Variants in PCSK2 observed in about 807,000 individuals in gnomAD.
The protein encoded by PCSK2 is proprotein convertase subtilisin/kexin type 2.
In PCSK2, 14 loss-of-function variants were observed where a neutral mutation model predicts 69.7. The ratio of observed to expected loss-of-function variants is 0.20; its 90% CI spans 0.13 to 0.31. The LOEUF is 0.31. Ranked by LOEUF, PCSK2 falls within the 10% of genes least tolerant of loss-of-function variation. The pLI, the probability that PCSK2 is intolerant of heterozygous loss-of-function variation, is 1.00. For missense variants in PCSK2, 544 were observed against 842.5 expected, an observed-to-expected ratio of 0.65 and a Z score of 4.39; for synonymous variants, 307 against 320.7, an observed-to-expected ratio of 0.96 and a Z score of 0.46.
intron 5 of PCSK2, among the ~76,000 whole-genome samples, chr20:17,401,801 G>A (rs535630905): frequency 9.2e-5 from 14 of 152,254 alleles, no homozygotes; most frequent in South Asian, 8.3e-4. Flanking sequence ...CTTCCCATTC[G>A]TAATTGAAGG....
At chr20:17,442,485 G>C (rs2032618036) in intron 8 of PCSK2, among the ~76,000 whole-genome samples, 1 of 152,146 alleles carries the variant, frequency 6.6e-6, no homozygotes, top group Non-Finnish European at 1.5e-5. Context: ...CCTGCTCACT[G>C]TTCAAGGTCA....
rs113783484 is a variant in PCSK2 at position 17,242,506 on chromosome 20, C to T, written c.177+15024C>T. ...ACTTATAGTTCTATAGTTCTATAGT[C>T]TAGTTTATAAGAATTCATACAATCT... On this transcript the variant is annotated intron_variant, in intron 1 of 11. Coordinates refer to ENST00000262545, the MANE Select transcript of PCSK2 (RefSeq NM_002594.5). Among the ~76,000 whole-genome samples the T allele has an allele frequency of 3.2e-3, 488 of 152,302 alleles. 4 individuals carry two copies. Among genetic ancestry groups the T allele is most frequent in the African/African-American group, 0.011 (452 of 41,556 alleles).
chr20:17,337,928 C>A (rs200601333), intron 2 of PCSK2, among the ~76,000 whole-genome samples: 239 of 129,740 alleles, frequency 1.8e-3, no homozygotes, highest in Admixed American at 2.1e-3. Flanking sequence ...AAACCCATCT[C>A]AAAAAAAAAA....
chr20:17,437,100 A>T (rs1441279467), intron 8 of PCSK2, among the ~76,000 whole-genome samples: 1 of 149,770 alleles, frequency 6.7e-6, no homozygotes, highest in Admixed American at 6.7e-5. Context: ...CGCGATGCCT[A>T]CCTGGCTCCT....
chr20:17,290,545 A>G (rs1988662513), intron 2 of PCSK2, among the ~76,000 whole-genome samples: 1 of 152,186 alleles, frequency 6.6e-6, no homozygotes, highest in Admixed American at 6.5e-5. Context: ...TAATGGAAAT[A>G]TTAAGACTAC....
At chr20:17,231,566 G>A (rs1000153333) in intron 1 of PCSK2, among the ~76,000 whole-genome samples, 24 of 152,172 alleles carry the variant, frequency 1.6e-4, no homozygotes, top group Non-Finnish European at 2.9e-4. Flanking sequence ...TCCTAGAAAT[G>A]GAATTGTTGA....
intron 8 of PCSK2, among the ~76,000 whole-genome samples, chr20:17,441,846 G>A (rs1333726746): frequency 6.6e-6 from 1 of 151,954 alleles, no homozygotes; most frequent in Non-Finnish European, 1.5e-5. Flanking sequence ...CTTCTGTTGT[G>A]GGTTCAATTG....
At chr20:17,282,236 T>C (rs1268418737) in intron 2 of PCSK2, among the ~76,000 whole-genome samples, 1 of 151,892 alleles carries the variant, frequency 6.6e-6, no homozygotes, top group Non-Finnish European at 1.5e-5. Flanking sequence ...TCTCTCTCCA[T>C]ACACACACAC....
At chr20:17,273,982 A>T (rs1987961870) in intron 2 of PCSK2, among the ~76,000 whole-genome samples, 1 of 152,118 alleles carries the variant, frequency 6.6e-6, no homozygotes, top group Non-Finnish European at 1.5e-5. Flanking sequence ...CACTCTGCTC[A>T]CCACCCATTA....
Position 17,482,395 on chromosome 20 carries a change from G to A in PCSK2, c.*325G>A, listed in dbSNP as rs374128487. ...CAGCTTTCCCCTCATTTTTTTTTTT[G>A]TTTCTGAGAAAAGAACGTATTTTAA... On this transcript the variant is annotated 3_prime_UTR_variant, in exon 12 of 12. Transcript: ENST00000262545. 1.1e-5 allele frequency: 1 copy of A among 95,088 alleles called. No individual in the cohort carries two copies. Among genetic ancestry groups the A allele is most frequent in the Non-Finnish European group, 2.0e-5 (1 of 49,230 alleles). The allele number at this position is 95,088 out of a possible 1,614,324, so 5.9% of individuals were successfully genotyped here. A position where few individuals can be genotyped will look rare whatever the true frequency, so the allele number is the denominator to read the frequency against.
rs1568593440 is a variant in PCSK2, at chr20:17,303,469, TATTATATATA to T, written c.282+43128_282+43137del. Among the ~76,000 whole-genome samples, 4 of 57,922 alleles carry T rather than the reference TATTATATATA, an allele frequency of 6.9e-5. No individual in the cohort carries two copies. In the East Asian group the frequency reaches 1.0e-3, roughly 15 times the overall value. 38.0% of individuals were successfully genotyped at this position (57,922 alleles called of 152,430 possible). ...TATATATTATATTAAATATAATATA[TATTATATATA>T]ATATATATTATATTTAATATAATAT... On this transcript the variant is annotated intron_variant, in intron 2 of 11. Coordinates refer to ENST00000262545, the MANE Select transcript of PCSK2 (RefSeq NM_002594.5).
At position 17,435,936 on chromosome 20, in the gene PCSK2, C is replaced by T. The variant is rs914453894; in HGVS notation, c.710-772C>T. Among the ~76,000 whole-genome samples, 4 of 152,184 alleles carry T rather than the reference C, an allele frequency of 2.6e-5. 1 individual carries two copies. Among genetic ancestry groups the T allele is most frequent in the Non-Finnish European group, 5.9e-5 (4 of 68,038 alleles). On this transcript the variant is annotated intron_variant, in intron 7 of 11. Coordinates refer to ENST00000262545, the MANE Select transcript of PCSK2 (RefSeq NM_002594.5). Reference sequence around the variant, plus strand: ...AGGAGCACCAGCTCTGCGGGGGCAGCGCCAGCACCTTCACCCTGTGCCCCT... The same window carrying T: ...AGGAGCACCAGCTCTGCGGGGGCAGTGCCAGCACCTTCACCCTGTGCCCCT...
chr20:17,388,062 C>T (rs1461663372), intron 5 of PCSK2, among the ~76,000 whole-genome samples: 1 of 151,998 alleles, frequency 6.6e-6, no homozygotes, highest in Non-Finnish European at 1.5e-5. Context: ...GTGCAAAGAC[C>T]CTGAGGCAGG....
At chr20:17,426,995 A>G (rs977509593) in intron 6 of PCSK2, among the ~76,000 whole-genome samples, 3 of 152,242 alleles carry the variant, frequency 2.0e-5, no homozygotes, top group Non-Finnish European at 4.4e-5. Flanking sequence ...ATAGGATTAC[A>G]TGATAGTTAA....
At chr20:17,409,240 A>G in intron 5 of PCSK2, 23 bp from the exon 6 acceptor site, 1 of 1,603,802 alleles carries the variant, frequency 6.2e-7, no homozygotes, top group Non-Finnish European at 8.5e-7. Flanking sequence ...TACGGACCTA[A>G]TGAGATGCCT....
In PCSK2 at chr20:17,369,170, G is replaced by A. The variant is rs939996977; in HGVS notation, c.506-70G>A. ...GCCCCATAAAGAGGGCACTTTCTTGGGCAGCTTTCCTGAGGACACAGTGGC... is the reference window on the plus strand; with the variant it reads ...GCCCCATAAAGAGGGCACTTTCTTGAGCAGCTTTCCTGAGGACACAGTGGC... On this transcript the variant is annotated intron_variant, in intron 4 of 11. Transcript: ENST00000262545. 1.1e-5 allele frequency: 15 copies of A among 1,417,442 alleles called. No homozygotes were observed. The South Asian group carries it at 1.8e-4, about 17-fold the overall frequency. The allele number at this position is 1,417,442 out of a possible 1,614,324, so 87.8% of individuals were successfully genotyped here. A position where few individuals can be genotyped will look rare whatever the true frequency, so the allele number is the denominator to read the frequency against.
intron 5 of PCSK2, among the ~76,000 whole-genome samples, chr20:17,374,929 C>G (rs1406069206): frequency 6.6e-6 from 1 of 152,172 alleles, no homozygotes; most frequent in East Asian, 1.9e-4. Context: ...AGGGTTCTGA[C>G]AGTTGGCAGT....
At chr20:17,398,325 G>A (rs557028089) in intron 5 of PCSK2, among the ~76,000 whole-genome samples, 1 of 152,126 alleles carries the variant, frequency 6.6e-6, no homozygotes, top group Non-Finnish European at 1.5e-5. Flanking sequence ...AGGAATTTGA[G>A]ACCAGCCTGG....
At chr20:17,278,788 G>A (rs1223486835) in intron 2 of PCSK2, among the ~76,000 whole-genome samples, 1 of 152,018 alleles carries the variant, frequency 6.6e-6, no homozygotes, top group African/African-American at 2.4e-5. Flanking sequence ...GCCAAGGTGT[G>A]TGGATTGCTT....
Sources: allele counts gnomAD v4.1 joint callset (sites outside exome capture counted in the v4.1 genomes callset), GRCh38; gene constraint gnomAD v4.1.1; transcripts MANE v1.5; gene names NCBI Gene and HGNC (gene_info 2026-07-23, HGNC 2026-07-21).